KIRREL1: variants seen among roughly 807,000 people sequenced by gnomAD.
The protein encoded by KIRREL1 is kin of IRRE-like protein 1.
In KIRREL1, 25 loss-of-function variants were observed where a neutral mutation model predicts 83.3. The ratio of observed to expected loss-of-function variants is 0.30; its 90% CI spans 0.22 to 0.42. The LOEUF (loss-of-function observed/expected upper bound fraction) is 0.42, where lower values mean the gene tolerates loss of function less well. KIRREL1 is among the 10% of genes least tolerant of loss of function. KIRREL1 has a pLI of 1.00. For missense variants in KIRREL1, 812 were observed against 1,032.3 expected (o/e 0.79, Z 2.92); for synonymous variants, 388 against 410.4 (o/e 0.95, Z 0.66).
At chr1:158,058,698 C>T (rs975483494) in intron 1 of KIRREL1, among the ~76,000 whole-genome samples, 2 of 152,150 alleles carry the variant, frequency 1.3e-5, no homozygotes, top group African/African-American at 4.8e-5. Context: ...TTTTCAGTCC[C>T]TCGGGGATCT....
rs1163990214 is a variant in KIRREL1 at position 158,091,342 on chromosome 1, TCCCTCTCC to T, written c.1273-15_1273-8del. 6.2e-7 allele frequency: 1 copy of T among 1,610,524 alleles called. No individual in the cohort carries two copies. Among genetic ancestry groups the T allele is most frequent in the South Asian group, 1.1e-5 (1 of 90,776 alleles). ...CCTGCCCCTTTCTTACCTTCTTCCT[TCCCTCTCC>T]ACCACAGGCATGGGCCTGGAAGGAG... is the stretch of plus-strand genomic sequence containing the variant. On this transcript the variant is annotated splice_region_variant and splice_polypyrimidine_tract_variant and intron_variant, in intron 10 of 14. Coordinates refer to ENST00000359209, the MANE Select transcript of KIRREL1 (RefSeq NM_018240.7).
intron 1 of KIRREL1, among the ~76,000 whole-genome samples, chr1:158,044,643 C>T (rs184998029): frequency 1.3e-5 from 2 of 152,242 alleles, no homozygotes; most frequent in East Asian, 3.9e-4. Context: ...GGATTACAGG[C>T]ATGCGCCACC....
At chr1:158,031,339 G>A (rs113086357) in intron 1 of KIRREL1, among the ~76,000 whole-genome samples, 20 of 150,132 alleles carry the variant, frequency 1.3e-4, no homozygotes, top group South Asian at 6.6e-4. Context: ...ACACACACGC[G>A]CGTGCACACA....
At chr1:158,074,061 A>C (rs569839864) in intron 1 of KIRREL1, among the ~76,000 whole-genome samples, 2 of 152,218 alleles carry the variant, frequency 1.3e-5, no homozygotes, top group Admixed American at 6.5e-5. Context: ...AAGGATATGA[A>C]TAAATTTGAA....
chr1:158,099,353 T>A lies in KIRREL1; in HGVS notation c.*4233T>A, dbSNP rs1662431907. 6.6e-6 allele frequency: 1 copy of A among 152,252 alleles called. No individual in the cohort carries two copies. Among genetic ancestry groups the A allele is most frequent in the African/African-American group, 2.4e-5 (1 of 41,458 alleles). 9.4% of individuals were successfully genotyped at this position (152,252 alleles called of 1,614,324 possible). Reference sequence around the variant, plus strand: ...ATCCCATTCCCTTCTCTTGGCCTCCTCCTATCCCCCTATGGTATTTCTCCT... The same window carrying A: ...ATCCCATTCCCTTCTCTTGGCCTCCACCTATCCCCCTATGGTATTTCTCCT... On this transcript the variant is annotated 3_prime_UTR_variant, in exon 15 of 15. Coordinates refer to ENST00000359209, the MANE Select transcript of KIRREL1 (RefSeq NM_018240.7).
chr1:158,064,837 G>T (rs781266663), intron 1 of KIRREL1, among the ~76,000 whole-genome samples: 3 of 151,732 alleles, frequency 2.0e-5, no homozygotes, highest in Non-Finnish European at 2.9e-5. Flanking sequence ...ATACCTTCCC[G>T]TATTAGTTGC....
At chr1:158,046,051 T>C (rs1038967052) in intron 1 of KIRREL1, among the ~76,000 whole-genome samples, 4 of 152,222 alleles carry the variant, frequency 2.6e-5, no homozygotes, top group Non-Finnish European at 5.9e-5. Flanking sequence ...TGACATGGTA[T>C]AATTCATGTT....
chr1:158,069,917 A>G (rs1350546303), intron 1 of KIRREL1, among the ~76,000 whole-genome samples: 2 of 152,214 alleles, frequency 1.3e-5, no homozygotes, highest in African/African-American at 2.4e-5. Flanking sequence ...AGCAGGGGCT[A>G]CTTCTGCTGG....
chr1:158,073,278 C>T (rs1661571593), intron 1 of KIRREL1, among the ~76,000 whole-genome samples: 1 of 152,156 alleles, frequency 6.6e-6, no homozygotes, highest in South Asian at 2.1e-4. Context: ...GACTGAATTG[C>T]TTCAGTCAGG....
intron 1 of KIRREL1, among the ~76,000 whole-genome samples, chr1:158,042,355 T>C (rs1379033567): frequency 1.3e-5 from 2 of 152,056 alleles, no homozygotes; most frequent in African/African-American, 2.4e-5. Context: ...CTTTGTGCCC[T>C]CCTATTGCTT....
rs572323113 is a variant in KIRREL1, at chr1:158,002,789, C to CT, written c.52+9062dup. Among the ~76,000 whole-genome samples the CT allele has an allele frequency of 1.1e-3, 163 of 152,216 alleles. 1 individual carries two copies. Among genetic ancestry groups the CT allele is most frequent in the South Asian group, 0.011 (51 of 4,820 alleles). ...GGGCCACAGATGTGAGGCTCAGGGGCTGCGGGGCCTCTGGAATGTGGTGCC... is the reference window on the plus strand; with the variant it reads ...GGGCCACAGATGTGAGGCTCAGGGGCTTGCGGGGCCTCTGGAATGTGGTGCC... On this transcript the variant is annotated intron_variant, in intron 1 of 14. Transcript: ENST00000359209.
At chr1:158,074,898 G>T (rs1661632757) in intron 1 of KIRREL1, among the ~76,000 whole-genome samples, 1 of 152,202 alleles carries the variant, frequency 6.6e-6, no homozygotes, top group Non-Finnish European at 1.5e-5. Flanking sequence ...TTTGGGGATT[G>T]TGGCCTCTGC....
chr1:158,058,980 C>T (rs951655357), intron 1 of KIRREL1, among the ~76,000 whole-genome samples: 1 of 152,160 alleles, frequency 6.6e-6, no homozygotes, highest in Non-Finnish European at 1.5e-5. Context: ...GAGGGAGTGG[C>T]AGGACCCGGA....
intron 1 of KIRREL1, among the ~76,000 whole-genome samples, chr1:158,009,300 A>T (rs1407158166): frequency 2.0e-5 from 3 of 152,210 alleles, no homozygotes; most frequent in African/African-American, 7.2e-5. Flanking sequence ...GAATTAAATG[A>T]GGTGGATCCT....
chr1:158,065,539 A>G (rs1249944211), intron 1 of KIRREL1, among the ~76,000 whole-genome samples: 1 of 152,158 alleles, frequency 6.6e-6, no homozygotes, highest in African/African-American at 2.4e-5. Context: ...CCTCTCTTCT[A>G]GGAGGTGAGG....
At chr1:157,999,710 G>T (rs1263285132) in intron 1 of KIRREL1, among the ~76,000 whole-genome samples, 1 of 151,416 alleles carries the variant, frequency 6.6e-6, no homozygotes, top group Non-Finnish European at 1.5e-5. Flanking sequence ...AGGGTTCTTT[G>T]ACCTGGAAAA....
Position 158,091,404 on chromosome 1 carries a change from G to A in KIRREL1, c.1319G>A (p.Arg440His), listed in dbSNP as rs753693433. 1.4e-5 allele frequency: 23 copies of A among 1,614,180 alleles called. 2 individuals are homozygous for A. Among genetic ancestry groups the A allele is most frequent in the Non-Finnish European group, 1.9e-5 (22 of 1,180,050 alleles). Residue 440 changes from arginine to histidine, a missense_variant, in exon 11 of 15, where the codon CGC becomes CAC. Arg to His is a conservative substitution (Grantham distance 29). Transcript: ENST00000359209. ...ENFLEVGTLERYTVERTNSGS... is the reference protein window; with the variant it reads ...ENFLEVGTLEHYTVERTNSGS... ...TTCTTGGAGGTGGGGACCCTGGAAC[G>A]CTATACAGTGGAGAGGACCAACTCA... is the stretch of plus-strand genomic sequence containing the variant.
At chr1:158,038,949 CT>C (rs925198090) in intron 1 of KIRREL1, among the ~76,000 whole-genome samples, 103 of 152,294 alleles carry the variant, frequency 6.8e-4, no homozygotes, top group African/African-American at 2.4e-3. Flanking sequence ...TAAAGAACAG[CT>C]TTTTAATAGC....
rs562178894 is a variant in KIRREL1, at chr1:157,997,022, T to C, written c.52+3294T>C. Among the ~76,000 whole-genome samples the C allele has an allele frequency of 3.0e-3, 454 of 152,276 alleles. 1 individual carries two copies. Among genetic ancestry groups the C allele is most frequent in the African/African-American group, 0.01 (436 of 41,558 alleles). On this transcript the variant is annotated intron_variant, in intron 1 of 14. Transcript: ENST00000359209. ...GGAGGAAGCCCCACCTCTGCCCCCC[T>C]AGGACCTCTTTACACCCTTACAAGG...
Sources: gnomAD v4.1 joint callset for allele counts (sites outside exome capture counted in the v4.1 genomes callset) on GRCh38, gnomAD v4.1.1 for gene constraint, MANE v1.5 for transcripts, NCBI Gene and HGNC (gene_info 2026-07-23, HGNC 2026-07-21) for gene names.